SPAG17: variants seen among roughly 807,000 people sequenced by gnomAD.
The protein encoded by SPAG17 is sperm associated antigen 17.
In SPAG17, 169 loss-of-function variants were observed where a neutral mutation model predicts 273.6. The observed-to-expected ratio is 0.62, with a 90% confidence interval of 0.55 to 0.70. SPAG17 has a LOEUF of 0.70. Among genes scored for constraint, SPAG17 ranks in the 30% least tolerant of loss-of-function variants. SPAG17 has a pLI of 0.00. For missense variants in SPAG17, 2,557 were observed against 2,627.8 expected, an observed-to-expected ratio of 0.97 and a Z score of 0.59; for synonymous variants, 825 against 873.2, an observed-to-expected ratio of 0.94 and a Z score of 0.97.
intron 3 of SPAG17, among the ~76,000 whole-genome samples, chr1:118,135,756 G>A (rs888610573): frequency 6.6e-6 from 1 of 152,198 alleles, no homozygotes. Context: ...CTTTGGCACA[G>A]TGCAACTGGA....
At chr1:117,967,484 C>A (rs904548090) in intron 46 of SPAG17, among the ~76,000 whole-genome samples, 1 of 151,828 alleles carries the variant, frequency 6.6e-6, no homozygotes, top group African/African-American at 2.4e-5. Flanking sequence ...AAAAAAAAAT[C>A]GCAAAAAAAT....
In SPAG17 at chr1:118,086,293, A is replaced by T. The variant is rs552321126; in HGVS notation, c.1612-221T>A. Among the ~76,000 whole-genome samples, 2 of 152,312 alleles carry T rather than the reference A, an allele frequency of 1.3e-5. 1 individual carries two copies. The highest frequency in any genetic ancestry group is 4.1e-4 in the South Asian group (2 of 4,826). ...GGTGCACAAAAATGACTGATTCTTCATTCACAGTGACAAACTGCCAAAGTC... is the reference window on the plus strand; with the variant it reads ...GGTGCACAAAAATGACTGATTCTTCTTTCACAGTGACAAACTGCCAAAGTC... On this transcript the variant is annotated intron_variant, in intron 12 of 48. Coordinates refer to ENST00000336338, the MANE Select transcript of SPAG17 (RefSeq NM_206996.4).
intron 18 of SPAG17, 53 bp from the exon 19 acceptor site, chr1:118,055,967 A>G: frequency 2.0e-5 from 29 of 1,428,346 alleles, no homozygotes; most frequent in Non-Finnish European, 2.8e-5. Flanking sequence ...GTCAATAAAT[A>G]CTAAGGATAT....
intron 18 of SPAG17, among the ~76,000 whole-genome samples, chr1:118,065,999 C>T (rs1402905693): frequency 1.3e-5 from 2 of 152,050 alleles, no homozygotes; most frequent in Non-Finnish European, 2.9e-5. Context: ...CACAGCTTAA[C>T]TGTTCAAGGT....
At chr1:117,954,736 T>C in intron 48 of SPAG17, 3 of 1,161,350 alleles carry the variant, frequency 2.6e-6, no homozygotes, top group Non-Finnish European at 3.7e-6. Context: ...GGGAATACTT[T>C]GTCTTCAAAA....
intron 1 of SPAG17, among the ~76,000 whole-genome samples, chr1:118,182,097 G>GAATA (rs1193834974): frequency 6.6e-6 from 1 of 151,922 alleles, no homozygotes; most frequent in Admixed American, 6.6e-5. Flanking sequence ...ATGAATGAAT[G>GAATA]AATAAATAAA....
intron 48 of SPAG17, chr1:117,959,051 T>G: frequency 6.4e-7 from 1 of 1,566,018 alleles, no homozygotes; most frequent in Non-Finnish European, 8.8e-7. Flanking sequence ...ATTCCTAGTG[T>G]GATTTAGAAA....
In SPAG17 at chr1:117,953,868, T is replaced by C; in HGVS notation, c.*182A>G. On this transcript the variant is annotated 3_prime_UTR_variant, in exon 49 of 49. Coordinates refer to ENST00000336338, the MANE Select transcript of SPAG17 (RefSeq NM_206996.4). Reference sequence around the variant, plus strand: ...ACCAAAAATGTCTTTAAATGCTTTTTGGCACTCTATTCGCACGTCTTTATT... The same window carrying C: ...ACCAAAAATGTCTTTAAATGCTTTTCGGCACTCTATTCGCACGTCTTTATT... 1 of 710,992 alleles carries C rather than the reference T, an allele frequency of 1.4e-6. No homozygotes were observed. Among genetic ancestry groups the C allele is most frequent in the Non-Finnish European group, 2.3e-6 (1 of 426,588 alleles). The allele number at this position is 710,992 out of a possible 1,614,324, so 44.0% of individuals were successfully genotyped here. A position where few individuals can be genotyped will look rare whatever the true frequency, so the allele number is the denominator to read the frequency against.
intron 3 of SPAG17, among the ~76,000 whole-genome samples, chr1:118,141,149 T>C (rs1658658927): frequency 6.6e-6 from 1 of 152,230 alleles, no homozygotes; most frequent in Admixed American, 6.5e-5. Flanking sequence ...TTGCTTAATG[T>C]CCGTCTCCCC....
At chr1:118,053,355 T>C (rs955545919) in intron 20 of SPAG17, among the ~76,000 whole-genome samples, 5 of 152,028 alleles carry the variant, frequency 3.3e-5, no homozygotes, top group African/African-American at 1.2e-4. Flanking sequence ...GCTTACCTAA[T>C]ATTAAAGCTT....
intron 3 of SPAG17, among the ~76,000 whole-genome samples, chr1:118,128,585 C>G (rs1657874067): frequency 6.6e-6 from 1 of 152,144 alleles, no homozygotes; most frequent in African/African-American, 2.4e-5. Context: ...AAATCATTTT[C>G]CTAAAAATCC....
intron 35 of SPAG17, among the ~76,000 whole-genome samples, chr1:117,993,762 C>A (rs1240607768): frequency 6.6e-6 from 1 of 152,142 alleles, no homozygotes; most frequent in African/African-American, 2.4e-5. Context: ...TTATTTAACA[C>A]CTGACAATAT....
chr1:117,960,127 TG>T (rs1652847764), intron 48 of SPAG17: 1 of 147,496 alleles, frequency 6.8e-6, no homozygotes, highest in Admixed American at 6.6e-5. Context: ...TGTGTGTGTG[TG>T]TGTGTGTGTG....
intron 1 of SPAG17, among the ~76,000 whole-genome samples, chr1:118,154,749 T>C (rs550801291): frequency 2.6e-4 from 40 of 152,224 alleles, no homozygotes; most frequent in Non-Finnish European, 5.6e-4. Flanking sequence ...AAATTTAGTA[T>C]GGAGAAAACA....
At chr1:118,085,653 G>GA (rs937631765) in intron 13 of SPAG17, among the ~76,000 whole-genome samples, 1 of 151,700 alleles carries the variant, frequency 6.6e-6, no homozygotes, top group African/African-American at 2.4e-5. Flanking sequence ...GGAAAACGAG[G>GA]AAAAAAGGGA....
intron 1 of SPAG17, among the ~76,000 whole-genome samples, chr1:118,166,245 G>A (rs1194192186): frequency 3.9e-5 from 6 of 152,192 alleles, no homozygotes; most frequent in Non-Finnish European, 7.4e-5. Flanking sequence ...AAAGAATAAT[G>A]ATGGTGAAGG....
Position 118,097,758 on chromosome 1 carries a change from G to C in SPAG17, c.923C>G (p.Pro308Arg). The C allele has an allele frequency of 6.2e-7, 1 of 1,610,902 alleles. No individual in the cohort carries two copies. Among genetic ancestry groups the C allele is most frequent in the Non-Finnish European group, 8.5e-7 (1 of 1,178,826 alleles). Residue 308 changes from proline to arginine, a missense_variant, in exon 7 of 49, where the codon CCT becomes CGT. By Grantham distance (103) the Pro-to-Arg change is moderately radical. Coordinates refer to ENST00000336338, the MANE Select transcript of SPAG17 (RefSeq NM_206996.4). The stretch of plus-strand genomic sequence containing the variant: ...AGCAACATCAAAGAGATTTGTTTCA[G>C]GTTTCTCATTATTCAGGACTGGTTC... ...YLEPVLNNEK[P>R]ETNLFDVARL...
intron 24 of SPAG17, among the ~76,000 whole-genome samples, chr1:118,032,988 G>A (rs1043396702): frequency 9.2e-5 from 14 of 152,024 alleles, no homozygotes; most frequent in African/African-American, 3.4e-4. Flanking sequence ...CAACATGCTC[G>A]GGCCCCACCT....
chr1:117,986,311 C>T (rs867348276), intron 40 of SPAG17, among the ~76,000 whole-genome samples: 1 of 152,214 alleles, frequency 6.6e-6, no homozygotes, highest in African/African-American at 2.4e-5. Context: ...ACTAATCAAC[C>T]TTGTAACTGA....
Sources: gnomAD v4.1 joint callset for allele counts (sites outside exome capture counted in the v4.1 genomes callset) on GRCh38, gnomAD v4.1.1 for gene constraint, MANE v1.5 for transcripts, NCBI Gene and HGNC (gene_info 2026-07-23, HGNC 2026-07-21) for gene names.